The following NRXN1 variants were observed in gnomAD, a reference collection of about 807,000 sequenced individuals.
NRXN1 encodes the protein neurexin-1.
NRXN1 carries 39 observed loss-of-function variants against 150.9 expected under a neutral mutation model. That is an observed-to-expected ratio of 0.26 (90% CI 0.20 to 0.34). The LOEUF (loss-of-function observed/expected upper bound fraction) is 0.34. NRXN1 is among the 10% of genes least tolerant of loss of function. NRXN1 has a pLI of 1.00. For synonymous variants in NRXN1, 924 were observed against 757.0 expected, an observed-to-expected ratio of 1.22 and a Z score of -3.62; for missense variants, 1,815 against 1,949.9, an observed-to-expected ratio of 0.93 and a Z score of 1.30.
intron 15 of NRXN1, among the ~76,000 whole-genome samples, chr2:50,481,765 T>TTTTTC (rs2090478325): frequency 8.9e-6 from 1 of 112,540 alleles, no homozygotes; most frequent in Non-Finnish European, 1.8e-5. Flanking sequence ...TGTTTCTTTT[T>TTTTTC]TTTTTTTTTT....
At chr2:50,164,641 A>T (rs2059563660) in intron 18 of NRXN1, among the ~76,000 whole-genome samples, 1 of 152,142 alleles carries the variant, frequency 6.6e-6, no homozygotes, top group Admixed American at 6.5e-5. Flanking sequence ...TCACATTCTA[A>T]AGAATATGGG....
intron 18 of NRXN1, among the ~76,000 whole-genome samples, chr2:50,162,331 C>A (rs1259699968): frequency 6.6e-6 from 1 of 152,162 alleles, no homozygotes; most frequent in Non-Finnish European, 1.5e-5. Flanking sequence ...TATTAAAACT[C>A]TTCATGGACC....
intron 21 of NRXN1, among the ~76,000 whole-genome samples, chr2:49,958,055 C>T (rs1675289491): frequency 6.6e-6 from 1 of 152,132 alleles, no homozygotes; most frequent in South Asian, 2.1e-4. Flanking sequence ...TCACAGCTGC[C>T]AGACTGGAGA....
At chr2:50,160,811 A>G (rs1016543843) in intron 18 of NRXN1, among the ~76,000 whole-genome samples, 2 of 152,140 alleles carry the variant, frequency 1.3e-5, no homozygotes, top group Non-Finnish European at 2.9e-5. Flanking sequence ...ACAAAGAAAA[A>G]AATTCTATAA....
chr2:50,503,192 C>G (rs916027215), intron 13 of NRXN1, among the ~76,000 whole-genome samples: 6 of 152,046 alleles, frequency 3.9e-5, no homozygotes, highest in Non-Finnish European at 8.8e-5. Flanking sequence ...CCTGTAATCC[C>G]AGCTACTTGG....
intron 15 of NRXN1, among the ~76,000 whole-genome samples, chr2:50,473,557 C>T (rs1014619428): frequency 3.9e-5 from 6 of 152,016 alleles, no homozygotes; most frequent in African/African-American, 1.2e-4. Context: ...CTGTAACATA[C>T]TCTTTTTATC....
In NRXN1 at chr2:50,158,109, A is replaced by T. The variant is rs1228198423; in HGVS notation, c.3547-66615T>A. ...TGTGTGTGTGTGTGTGTGTGTGTGT[A>T]GGGGGAGTCAAATTAGAGGAAGGAA... On this transcript the variant is annotated intron_variant, in intron 18 of 22. Coordinates refer to ENST00000401669, the MANE Select transcript of NRXN1 (RefSeq NM_001330078.2). 1.3e-4 allele frequency among the ~76,000 whole-genome samples: 12 copies of T among 94,996 alleles called. 1 individual carries two copies. In the South Asian group the frequency reaches 1.7e-3, roughly 13 times the overall value. 62.3% of individuals were successfully genotyped at this position (94,996 alleles called of 152,430 possible).
intron 17 of NRXN1, among the ~76,000 whole-genome samples, chr2:50,267,270 C>A (rs1255690482): frequency 1.3e-5 from 2 of 152,178 alleles, no homozygotes; most frequent in African/African-American, 4.8e-5. Context: ...TTCCTTGTCA[C>A]TGTTTCTGCA....
chr2:50,226,055 T>C (rs555974897), intron 18 of NRXN1, among the ~76,000 whole-genome samples: 2 of 152,152 alleles, frequency 1.3e-5, no homozygotes, highest in East Asian at 3.9e-4. Flanking sequence ...AACTCTCACC[T>C]GCATCACAGA....
intron 2 of NRXN1, among the ~76,000 whole-genome samples, chr2:50,988,016 G>A (rs550378455): frequency 7.2e-5 from 11 of 152,038 alleles, no homozygotes; most frequent in Admixed American, 2.0e-4. Context: ...GTCTAAATCC[G>A]GATAGCTGCT....
At chr2:50,315,624 A>G (rs921936457) in intron 17 of NRXN1, among the ~76,000 whole-genome samples, 3 of 152,126 alleles carry the variant, frequency 2.0e-5, no homozygotes, top group Admixed American at 6.6e-5. Flanking sequence ...CTATGCTCCA[A>G]GCATCTACTT....
chr2:50,767,714 T>C (rs1702531302), intron 5 of NRXN1, among the ~76,000 whole-genome samples: 1 of 152,092 alleles, frequency 6.6e-6, no homozygotes, highest in African/African-American at 2.4e-5. Context: ...ACATTCATAT[T>C]TCCACATGTT....
chr2:51,000,666 T>C (rs181769217), intron 2 of NRXN1, among the ~76,000 whole-genome samples: 1 of 152,082 alleles, frequency 6.6e-6, no homozygotes, highest in East Asian at 1.9e-4. Context: ...GAAGTAGAAA[T>C]AACAGAGACA....
chr2:50,199,116 T>C (rs941253997), intron 18 of NRXN1: 4 of 152,190 alleles, frequency 2.6e-5, no homozygotes, highest in Non-Finnish European at 5.9e-5. Flanking sequence ...GTCATCTGGA[T>C]GCACCAATTT....
chr2:50,313,200 A>G (rs1558505809), intron 17 of NRXN1, among the ~76,000 whole-genome samples: 2 of 152,064 alleles, frequency 1.3e-5, no homozygotes, highest in Admixed American at 1.3e-4. Context: ...ATCAGTATCT[A>G]TTAATCAAGG....
At chr2:50,286,708 C>T (rs1262202920) in intron 17 of NRXN1, among the ~76,000 whole-genome samples, 3 of 151,962 alleles carry the variant, frequency 2.0e-5, no homozygotes, top group South Asian at 4.1e-4. Flanking sequence ...GATGTGAGTA[C>T]ATTAAAAAAT....
chr2:50,023,179 T>C (rs2152561516), intron 21 of NRXN1: 1 of 152,322 alleles, frequency 6.6e-6, no homozygotes, highest in South Asian at 2.1e-4. Flanking sequence ...ACCAAGTGTT[T>C]CTCTCATTCT....
intron 21 of NRXN1, among the ~76,000 whole-genome samples, chr2:50,043,916 C>G (rs941976836): frequency 2.6e-5 from 4 of 151,622 alleles, no homozygotes; most frequent in Non-Finnish European, 2.9e-5. Flanking sequence ...TTTGGGTCAT[C>G]ATGTGTGAAT....
At chr2:50,380,287 T>C (rs925956469) in intron 17 of NRXN1, among the ~76,000 whole-genome samples, 3 of 151,902 alleles carry the variant, frequency 2.0e-5, no homozygotes, top group South Asian at 2.1e-4. Context: ...TGTGTGTGTG[T>C]GTGTGTGTGC....
Sources: allele counts gnomAD v4.1 joint callset (sites outside exome capture counted in the v4.1 genomes callset), GRCh38; gene constraint gnomAD v4.1.1; transcripts MANE v1.5; gene names NCBI Gene and HGNC (gene_info 2026-07-23, HGNC 2026-07-21).